Variants in LCOR observed in about 807,000 individuals in gnomAD.
The protein encoded by LCOR is ligand dependent nuclear receptor corepressor.
In LCOR, 14 loss-of-function variants were observed where a neutral mutation model predicts 64.4. The observed-to-expected ratio is 0.22, with a 90% confidence interval of 0.14 to 0.34. The LOEUF is 0.34. Ranked by LOEUF, LCOR falls within the 10% of genes least tolerant of loss-of-function variation. The pLI is 1.00. For missense variants in LCOR, 1,686 were observed against 1,765.3 expected (o/e 0.96, Z 0.80); for synonymous variants, 643 against 642.5 (o/e 1.00, Z -0.01).
At chr10:96,940,262 A>G (rs886895357) in intron 4 of LCOR, among the ~76,000 whole-genome samples, 11 of 151,518 alleles carry the variant, frequency 7.3e-5, no homozygotes, top group Admixed American at 7.2e-4. Flanking sequence ...GAAATTTATA[A>G]AAGAATGTTG....
chr10:96,918,997 A>T (rs1847003033), intron 4 of LCOR, among the ~76,000 whole-genome samples: 1 of 152,234 alleles, frequency 6.6e-6, no homozygotes, highest in African/African-American at 2.4e-5. Flanking sequence ...GCAGTGCGTT[A>T]AGTATAAAAA....
Position 96,942,806 on chromosome 10 carries a change from AT to A in LCOR, c.-183-1306del, listed in dbSNP as rs1171977760. 2.0e-5 allele frequency among the ~76,000 whole-genome samples: 3 copies of A among 152,324 alleles called. No homozygotes were observed. In the East Asian group the frequency reaches 5.8e-4, roughly 29 times the overall value. ...TAATTCCTTTTCATTGTGCCAAGAT[AT>A]GTCCCATTTTCTTACTTAGAACACT... is the stretch of plus-strand genomic sequence containing the variant. On this transcript the variant is annotated intron_variant, in intron 4 of 7. Transcript: ENST00000421806.
intron 4 of LCOR, chr10:96,907,967 A>G (rs1277154858): frequency 6.6e-6 from 1 of 151,612 alleles, no homozygotes. Flanking sequence ...CCATGCATTT[A>G]TTGTTGTTAT....
At chr10:96,903,179 G>A (rs533599326) in intron 2 of LCOR, among the ~76,000 whole-genome samples, 4 of 152,314 alleles carry the variant, frequency 2.6e-5, no homozygotes, top group South Asian at 4.1e-4. Flanking sequence ...GAGTCAGTGA[G>A]TAAGTGGTAA....
chr10:96,915,187 T>C (rs186332199), intron 4 of LCOR, among the ~76,000 whole-genome samples: 1 of 152,088 alleles, frequency 6.6e-6, no homozygotes, highest in African/African-American at 2.4e-5. Context: ...AAAACGACAA[T>C]GAAGTATTCT....
At chr10:96,921,221 T>C (rs1847075922) in intron 4 of LCOR, among the ~76,000 whole-genome samples, 1 of 152,188 alleles carries the variant, frequency 6.6e-6, no homozygotes. Flanking sequence ...GTTGTGTCCT[T>C]TGATGCACAA....
chr10:96,890,963 C>G (rs1380388234), intron 2 of LCOR, among the ~76,000 whole-genome samples: 6 of 152,120 alleles, frequency 3.9e-5, no homozygotes, highest in African/African-American at 1.4e-4. Flanking sequence ...AGGATTCTTG[C>G]ATCTCTATTC....
chr10:96,867,910 GTC>G (rs1460315076), intron 2 of LCOR, among the ~76,000 whole-genome samples: 4 of 151,714 alleles, frequency 2.6e-5, no homozygotes, highest in Non-Finnish European at 5.9e-5. Context: ...TTGAGTTGGA[GTC>G]TCTCTCTTGT....
At chr10:96,875,240 C>T (rs923695902) in intron 2 of LCOR, among the ~76,000 whole-genome samples, 2 of 151,742 alleles carry the variant, frequency 1.3e-5, no homozygotes, top group East Asian at 2.0e-4. Flanking sequence ...AAAAGTTAGC[C>T]GAGCGTGGTG....
At chr10:96,840,719 A>G (rs1191928352) in intron 2 of LCOR, among the ~76,000 whole-genome samples, 1 of 152,224 alleles carries the variant, frequency 6.6e-6, no homozygotes, top group East Asian at 1.9e-4. Flanking sequence ...TAGACTTTAA[A>G]TGTTTTCTAG....
chr10:96,944,229 A>T lies in LCOR; in HGVS notation c.-67A>T. 1 of 985,754 alleles carries T rather than the reference A, an allele frequency of 1.0e-6. No individual in the cohort carries two copies. The highest frequency in any genetic ancestry group is 1.2e-6 in the Non-Finnish European group (1 of 829,894). The allele number at this position is 985,754 out of a possible 1,614,324, so 61.1% of individuals were successfully genotyped here. On this transcript the variant is annotated 5_prime_UTR_variant, in exon 5 of 8. Coordinates refer to ENST00000421806, the MANE Select transcript of LCOR (RefSeq NM_001346516.2). ...GACAAGCAGAAGAATTCCTCAATGC[A>T]GTCTTTTATAGAAAAGGTTGGTTTC...
chr10:96,949,866 C>G (rs1187720159), intron 6 of LCOR, among the ~76,000 whole-genome samples: 1 of 152,200 alleles, frequency 6.6e-6, no homozygotes, highest in African/African-American at 2.4e-5. Flanking sequence ...CACACATCCA[C>G]TGACTAACTT....
At chr10:96,871,209 A>G (rs891498449) in intron 2 of LCOR, among the ~76,000 whole-genome samples, 5 of 146,344 alleles carry the variant, frequency 3.4e-5, no homozygotes. Flanking sequence ...GGCATGTGCC[A>G]CACCTGGCTT....
intron 2 of LCOR, among the ~76,000 whole-genome samples, chr10:96,844,216 T>C (rs1845590367): frequency 6.7e-6 from 1 of 148,342 alleles, no homozygotes; most frequent in Non-Finnish European, 1.5e-5. Context: ...AGTGGCATGA[T>C]CCTAACTCAG....
At chr10:96,912,903 A>T (rs1461734667) in intron 4 of LCOR, among the ~76,000 whole-genome samples, 1 of 152,056 alleles carries the variant, frequency 6.6e-6, no homozygotes, top group Non-Finnish European at 1.5e-5. Flanking sequence ...TGTTGTTTTA[A>T]TATATCAGTA....
Position 96,991,869 on chromosome 10 carries a change from C to A in LCOR, c.*6735C>A, listed in dbSNP as rs979974654. ...CAGGAGGCATATTCTCTGGGACAGT[C>A]CCCCACTTCCCCAGTGTGGCCCTGA... On this transcript the variant is annotated 3_prime_UTR_variant, in exon 8 of 8. Transcript: ENST00000421806. The A allele has an allele frequency of 6.6e-6, 1 of 152,192 alleles. No individual in the cohort carries two copies. The highest frequency in any genetic ancestry group is 2.4e-5 in the African/African-American group (1 of 41,434). 9.4% of individuals were successfully genotyped at this position (152,192 alleles called of 1,614,324 possible).
intron 7 of LCOR, chr10:96,955,265 C>G: frequency 6.2e-7 from 1 of 1,614,128 alleles, no homozygotes; most frequent in Non-Finnish European, 8.5e-7. Context: ...ATGGTGCACT[C>G]AGCAACATCA....
At position 96,991,306 on chromosome 10, in the gene LCOR, C is replaced by T. The variant is rs1564648121; in HGVS notation, c.*6172C>T. ...GCTTTTGCGTTAAGAAAAATTATCC[C>T]CCTTTGCCAGTTGTCTACTTGTTAA... On this transcript the variant is annotated 3_prime_UTR_variant, in exon 8 of 8. Coordinates refer to ENST00000421806, the MANE Select transcript of LCOR (RefSeq NM_001346516.2). 2 of 152,140 alleles carry T rather than the reference C, an allele frequency of 1.3e-5. No individual in the cohort carries two copies. Among genetic ancestry groups the T allele is most frequent in the Non-Finnish European group, 2.9e-5 (2 of 68,036 alleles). 9.4% of individuals were successfully genotyped at this position (152,140 alleles called of 1,614,324 possible).
chr10:96,988,596 T>G lies in LCOR; in HGVS notation c.*3462T>G, dbSNP rs1477439166. The G allele has an allele frequency of 6.6e-6, 1 of 152,220 alleles. No homozygotes were observed. The highest frequency in any genetic ancestry group is 1.5e-5 in the Non-Finnish European group (1 of 68,022). 9.4% of individuals were successfully genotyped at this position (152,220 alleles called of 1,614,324 possible). On this transcript the variant is annotated 3_prime_UTR_variant, in exon 8 of 8. Coordinates refer to ENST00000421806, the MANE Select transcript of LCOR (RefSeq NM_001346516.2). ...CTTTGAATTGAGGTTTGGCCTCTTT[T>G]CCTGCTTTGTAATGGGTTCGGTCAT...
Sources: allele counts gnomAD v4.1 joint callset (sites outside exome capture counted in the v4.1 genomes callset), GRCh38; gene constraint gnomAD v4.1.1; transcripts MANE v1.5; gene names NCBI Gene and HGNC (gene_info 2026-07-23, HGNC 2026-07-21).